RC3H2: variants seen among roughly 807,000 people sequenced by gnomAD.
The protein encoded by RC3H2 is ring finger and CCCH-type domains 2.
In RC3H2, 31 loss-of-function variants were observed where a neutral mutation model predicts 133.3. The observed-to-expected ratio is 0.23, with a 90% CI of 0.17 to 0.31. RC3H2 has a LOEUF of 0.31. Among genes scored for constraint, RC3H2 ranks in the 10% least tolerant of loss-of-function variants. The probability of loss-of-function intolerance (pLI) is 1.00; values close to 1 mark genes in which losing one functional copy is unlikely to be tolerated. For synonymous variants in RC3H2, 517 were observed against 502.2 expected (o/e 1.03, Z -0.40); for missense variants, 1,175 against 1,437.2 (o/e 0.82, Z 2.95).
At chr9:122,876,260 G>C (rs897970809) in intron 9 of RC3H2, among the ~76,000 whole-genome samples, 1 of 152,174 alleles carries the variant, frequency 6.6e-6, no homozygotes, top group Non-Finnish European at 1.5e-5. Context: ...TGGAAGGCAG[G>C]AGGAGGAGGT....
At position 122,855,703 on chromosome 9, in the gene RC3H2, C is replaced by T. The variant is rs970930032; in HGVS notation, c.2601+29G>A. 3.8e-6 allele frequency: 6 copies of T among 1,596,706 alleles called. No individual in the cohort carries two copies. The African/African-American group carries it at 4.0e-5, about 11-fold the overall frequency. On this transcript the variant is annotated intron_variant, in intron 14 of 20. Coordinates refer to ENST00000357244, the MANE Select transcript of RC3H2 (RefSeq NM_001100588.3). ...GTGAACATGCATCATCTCTCACCTC[C>T]AACCCCTGCAACCCCAGCAAAATCA...
Position 122,867,301 on chromosome 9 carries a change from C to T in RC3H2, c.1326-1644G>A, listed in dbSNP as rs1181378421. Among the ~76,000 whole-genome samples, 269 of 113,024 alleles carry T rather than the reference C, an allele frequency of 2.4e-3. 1 individual carries two copies. The highest frequency in any genetic ancestry group is 3.5e-3 in the Non-Finnish European group (182 of 51,700). 74.1% of individuals were successfully genotyped at this position (113,024 alleles called of 152,430 possible). ...GAGGTGGGGGGGTCAGCCCCCCGCC[C>T]GGCCAGCCGCCCCGTCCGGGAGGTG... On this transcript the variant is annotated intron_variant, in intron 9 of 20. Transcript: ENST00000357244.
chr9:122,892,482 G>A (rs1269232760), intron 3 of RC3H2, among the ~76,000 whole-genome samples: 2 of 152,082 alleles, frequency 1.3e-5, no homozygotes, highest in Admixed American at 6.6e-5. Context: ...CACCATCTCG[G>A]CTCACTGCAA....
chr9:122,876,814 A>C (rs1382853010), intron 9 of RC3H2, among the ~76,000 whole-genome samples: 1 of 152,108 alleles, frequency 6.6e-6, no homozygotes, highest in South Asian at 2.1e-4. Context: ...AAAGGGGTTA[A>C]CCATAGGAGA....
At chr9:122,902,371 A>AATT (rs1185406161) in intron 1 of RC3H2, among the ~76,000 whole-genome samples, 1 of 152,230 alleles carries the variant, frequency 6.6e-6, no homozygotes, top group East Asian at 1.9e-4. Flanking sequence ...TTAGCTCTTT[A>AATT]ATTATTCTGA....
At chr9:122,883,445 G>T in intron 4 of RC3H2, 66 bp from the exon 5 acceptor site, 2 of 1,289,556 alleles carry the variant, frequency 1.6e-6, no homozygotes, top group Non-Finnish European at 2.1e-6. Flanking sequence ...GTGTGTCATA[G>T]GCATCTTTGG....
At chr9:122,902,112 G>A (rs543667790) in intron 1 of RC3H2, among the ~76,000 whole-genome samples, 52 of 151,848 alleles carry the variant, frequency 3.4e-4, no homozygotes, top group African/African-American at 1.2e-3. Flanking sequence ...TGTAATTTTA[G>A]TAGAGATGGG....
Position 122,897,582 on chromosome 9 carries a change from A to C in RC3H2, c.-67-6T>G, listed in dbSNP as rs139778020. On this transcript the variant is annotated splice_polypyrimidine_tract_variant and splice_region_variant and intron_variant, in intron 1 of 20. Coordinates refer to ENST00000357244, the MANE Select transcript of RC3H2 (RefSeq NM_001100588.3). ...GCTGTGTAGTGTTTTGTAAGCTAGA[A>C]ATGGACAAAAGTATGAATTAACCAC... 3 of 1,519,076 alleles carry C rather than the reference A, an allele frequency of 2.0e-6. No homozygotes were observed. In the East Asian group the frequency reaches 7.3e-5, roughly 37 times the overall value. 94.1% of individuals were successfully genotyped at this position (1,519,076 alleles called of 1,614,324 possible). A position where few individuals can be genotyped will look rare whatever the true frequency, so the allele number is the denominator to read the frequency against.
chr9:122,862,166 G>T (rs1830480329), intron 10 of RC3H2, among the ~76,000 whole-genome samples: 1 of 152,018 alleles, frequency 6.6e-6, no homozygotes, highest in Non-Finnish European at 1.5e-5. Flanking sequence ...ATTGCCTCAT[G>T]AAATCATGCA....
intron 9 of RC3H2, among the ~76,000 whole-genome samples, chr9:122,871,887 A>ATTG (rs1192235001): frequency 1.3e-5 from 2 of 151,930 alleles, no homozygotes; most frequent in Non-Finnish European, 2.9e-5. Flanking sequence ...TATTATTATT[A>ATTG]TTTTAAAGGC....
intron 2 of RC3H2, among the ~76,000 whole-genome samples, chr9:122,895,978 CAT>C (rs1832397585): frequency 2.0e-5 from 3 of 151,876 alleles, no homozygotes; most frequent in Non-Finnish European, 4.4e-5. Flanking sequence ...TTCTATAGCA[CAT>C]GTTCTTTTTT....
chr9:122,854,290 G>T, intron 16 of RC3H2, 24 bp from the exon 17 acceptor site: 1 of 1,566,976 alleles, frequency 6.4e-7, no homozygotes, highest in South Asian at 1.1e-5. Context: ...TATGTTTATT[G>T]TAATAAAAGT....
chr9:122,884,790 T>C (rs1033701731), intron 4 of RC3H2, among the ~76,000 whole-genome samples: 1 of 150,774 alleles, frequency 6.6e-6, no homozygotes, highest in Non-Finnish European at 1.5e-5. Context: ...GAGGTGGAGG[T>C]TGCAGTGAGC....
chr9:122,895,642 A>T (rs1193484827), intron 2 of RC3H2, among the ~76,000 whole-genome samples: 1 of 152,202 alleles, frequency 6.6e-6, no homozygotes, highest in African/African-American at 2.4e-5. Context: ...ATAAACACTG[A>T]AAAGAGATTT....
chr9:122,868,982 A>T (rs1383504222), intron 9 of RC3H2, among the ~76,000 whole-genome samples: 2 of 146,628 alleles, frequency 1.4e-5, no homozygotes, highest in East Asian at 2.1e-4. Flanking sequence ...GCTCACTGCA[A>T]CCTCCGCCTC....
intron 4 of RC3H2, among the ~76,000 whole-genome samples, chr9:122,887,826 C>T (rs1316324423): frequency 6.7e-6 from 1 of 149,644 alleles, no homozygotes; most frequent in African/African-American, 2.5e-5. Flanking sequence ...CTCACTGCAA[C>T]CTCTGCCCCG....
intron 9 of RC3H2, among the ~76,000 whole-genome samples, chr9:122,870,045 T>C (rs1830996447): frequency 6.6e-6 from 1 of 152,148 alleles, no homozygotes; most frequent in Non-Finnish European, 1.5e-5. Context: ...AGAGTTCCTA[T>C]ACAGAATATC....
At chr9:122,874,188 T>G (rs1418824656) in intron 9 of RC3H2, 4 of 151,988 alleles carry the variant, frequency 2.6e-5, no homozygotes, top group Admixed American at 2.0e-4. Flanking sequence ...TAAAAGAAAT[T>G]TATATAGTAA....
At chr9:122,902,834 G>A (rs891602561) in intron 1 of RC3H2, among the ~76,000 whole-genome samples, 9 of 141,792 alleles carry the variant, frequency 6.3e-5, no homozygotes, top group Non-Finnish European at 1.5e-5. Context: ...ATGGGTGATA[G>A]AGAGAGACTG....
Sources: gnomAD v4.1 joint callset for allele counts (sites outside exome capture counted in the v4.1 genomes callset) on GRCh38, gnomAD v4.1.1 for gene constraint, MANE v1.5 for transcripts, NCBI Gene and HGNC (gene_info 2026-07-23, HGNC 2026-07-21) for gene names.